Variants in SATL1 observed in about 807,000 individuals in gnomAD.
SATL1 encodes spermidine/spermine N(1)-acetyltransferase-like protein 1.
In SATL1, 47 loss-of-function variants were observed where a neutral mutation model predicts 51.8. The observed-to-expected ratio is 0.91, with a 90% confidence interval of 0.72 to 1.16. The LOEUF (loss-of-function observed/expected upper bound fraction) is 1.16, where lower values mean the gene tolerates loss of function less well. SATL1 is among the 50% of genes most tolerant of loss of function. SATL1 has a pLI of 0.00. For missense variants in SATL1, 520 were observed against 526.4 expected, an observed-to-expected ratio of 0.99 and a Z score of 0.12; for synonymous variants, 176 against 182.4, an observed-to-expected ratio of 0.97 and a Z score of 0.28.
chrX:85,139,543 T>C (rs746560474), intron 2 of SATL1, among the ~76,000 whole-genome samples: 1 of 110,963 alleles, frequency 9.0e-6, no homozygotes, highest in Admixed American at 9.6e-5. Flanking sequence ...ACCATAAATC[T>C]TTTCCTTTTC....
chrX:85,184,361 T>C (rs1225702098), intron 2 of SATL1, among the ~76,000 whole-genome samples: 1 of 111,551 alleles, frequency 9.0e-6, no homozygotes, highest in Non-Finnish European at 1.9e-5. Context: ...TGAATATTGA[T>C]ATCTTTCTCT....
chrX:85,130,466 T>A (rs1171544234), intron 2 of SATL1, among the ~76,000 whole-genome samples: 1 of 111,926 alleles, frequency 8.9e-6, no homozygotes, highest in Non-Finnish European at 1.9e-5. Flanking sequence ...GATGGTAGTT[T>A]GTATTTCTGT....
At chrX:85,155,162 A>G (rs1926555446) in intron 2 of SATL1, among the ~76,000 whole-genome samples, 1 of 111,742 alleles carries the variant, frequency 8.9e-6, no homozygotes, top group Non-Finnish European at 1.9e-5. Context: ...ATCAATGCTA[A>G]ACATTAATTT....
At chrX:85,238,573 G>A (rs1038220641) in intron 1 of SATL1, among the ~76,000 whole-genome samples, 4 of 111,491 alleles carry the variant, frequency 3.6e-5, no homozygotes, top group African/African-American at 6.5e-5. Flanking sequence ...ACAGGTAGTG[G>A]GAGGTTGGGG....
chrX:85,116,555 C>A (rs1292934415), intron 2 of SATL1, among the ~76,000 whole-genome samples: 1 of 111,771 alleles, frequency 8.9e-6, no homozygotes, highest in African/African-American at 3.3e-5. Flanking sequence ...TCTTCCCTTA[C>A]CAGCCAAATG....
At chrX:85,192,100 T>C (rs1927454315) in intron 2 of SATL1, among the ~76,000 whole-genome samples, 2 of 111,625 alleles carry the variant, frequency 1.8e-5, no homozygotes, top group Middle Eastern at 4.6e-3. Flanking sequence ...TGTCTCCATC[T>C]CTATGGCTAC....
rs765962935 is a variant in SATL1, at chrX:85,168,547, T to C, written c.-313+55658A>G. Among the ~76,000 whole-genome samples, 12 of 110,761 alleles carry C rather than the reference T, an allele frequency of 1.1e-4. No individual in the cohort carries two copies. In the South Asian group the frequency reaches 3.8e-3, roughly 35 times the overall value. On this transcript the variant is annotated intron_variant, in intron 2 of 7. Coordinates refer to ENST00000644105, the MANE Select transcript of SATL1 (RefSeq NM_001367857.2). ...TTACAATTGCCACAAAAAGAATACG[T>C]AGGAATACAGCTAAGGAGGGAGGTG...
chrX:85,135,047 T>A (rs1198126539), intron 2 of SATL1, among the ~76,000 whole-genome samples: 1 of 111,863 alleles, frequency 8.9e-6, no homozygotes, highest in Non-Finnish European at 1.9e-5. Flanking sequence ...AGCTGGGAGC[T>A]GTTATCCTCA....
rs144393586 is a variant in SATL1 at position 85,147,012 on chromosome X, C to A, written c.-312-37732G>T. ...GCACCGTGCGAGAGCCAAAGCAGAGCGAGGCATTGCCTCACTTGGGAAGCA... is the reference window on the plus strand; with the variant it reads ...GCACCGTGCGAGAGCCAAAGCAGAGAGAGGCATTGCCTCACTTGGGAAGCA... On this transcript the variant is annotated intron_variant, in intron 2 of 7. Transcript: ENST00000644105. Among the ~76,000 whole-genome samples, 765 of 112,621 alleles carry A rather than the reference C, an allele frequency of 6.8e-3. 8 individuals are homozygous for A. Among genetic ancestry groups the A allele is most frequent in the African/African-American group, 0.022 (680 of 31,052 alleles).
intron 2 of SATL1, among the ~76,000 whole-genome samples, chrX:85,185,317 GACC>G (rs1161649676): frequency 8.9e-6 from 1 of 112,562 alleles, no homozygotes; most frequent in African/African-American, 3.2e-5. Context: ...GGCTCATGGT[GACC>G]ACCACCTGGC....
chrX:85,234,648 T>C (rs2147767140), intron 1 of SATL1, among the ~76,000 whole-genome samples: 1 of 111,027 alleles, frequency 9.0e-6, no homozygotes, highest in African/African-American at 3.3e-5. Context: ...TTTAAAGTAA[T>C]GGATTACAAG....
intron 6 of SATL1, 89 bp from the exon 7 acceptor site, chrX:85,093,314 T>C: frequency 1.1e-6 from 1 of 894,679 alleles, no homozygotes; most frequent in Non-Finnish European, 1.6e-6. Flanking sequence ...TCTAAAACTC[T>C]GTATCTGTTT....
chrX:85,174,990 AC>A (rs1927055360), intron 2 of SATL1, among the ~76,000 whole-genome samples: 2 of 111,902 alleles, frequency 1.8e-5, no homozygotes, highest in South Asian at 7.4e-4. Flanking sequence ...AGAATTTAGT[AC>A]ACTGTAAGTG....
chrX:85,197,721 C>T (rs1439167554), intron 2 of SATL1, among the ~76,000 whole-genome samples: 1 of 101,563 alleles, frequency 9.8e-6, no homozygotes, highest in African/African-American at 3.6e-5. Flanking sequence ...TTGTTCAATT[C>T]CCACCTATGA....
chrX:85,214,918 G>A (rs1928009174), intron 2 of SATL1, among the ~76,000 whole-genome samples: 1 of 111,836 alleles, frequency 8.9e-6, no homozygotes, highest in African/African-American at 3.3e-5. Context: ...CCACTCCCAT[G>A]GTTCTGCTAG....
chrX:85,195,097 A>G (rs1254558910), intron 2 of SATL1, among the ~76,000 whole-genome samples: 1 of 111,120 alleles, frequency 9.0e-6, no homozygotes, highest in Non-Finnish European at 1.9e-5. Flanking sequence ...GGATGGAGAA[A>G]TACAGTATGT....
intron 2 of SATL1, chrX:85,156,517 TA>T (rs1385992083): frequency 1.3e-4 from 14 of 110,174 alleles, no homozygotes; most frequent in African/African-American, 4.6e-4. Flanking sequence ...ATCAAAGAAG[TA>T]GTCAGAGACA....
chrX:85,140,380 AT>A (rs1365907776), intron 2 of SATL1, among the ~76,000 whole-genome samples: 1 of 111,962 alleles, frequency 8.9e-6, no homozygotes, highest in Non-Finnish European at 1.9e-5. Context: ...GTGGTATTAT[AT>A]TTTAATTTCT....
rs1602884372 is a variant in SATL1, at chrX:85,166,447, C to A, written c.-312-57167G>T. Among the ~76,000 whole-genome samples, 4 of 111,013 alleles carry A rather than the reference C, an allele frequency of 3.6e-5. No individual in the cohort carries two copies. In the Admixed American group the frequency reaches 3.9e-4, roughly 11 times the overall value. Reference sequence around the variant, plus strand: ...TCATCAAGAAAAAATTCAAATAATTCCATCACAACTGAGCTAAGGACGTGA... The same window carrying A: ...TCATCAAGAAAAAATTCAAATAATTACATCACAACTGAGCTAAGGACGTGA... On this transcript the variant is annotated intron_variant, in intron 2 of 7. Coordinates refer to ENST00000644105, the MANE Select transcript of SATL1 (RefSeq NM_001367857.2).
Sources: allele counts gnomAD v4.1 joint callset (sites outside exome capture counted in the v4.1 genomes callset), GRCh38; gene constraint gnomAD v4.1.1; transcripts MANE v1.5; gene names NCBI Gene and HGNC (gene_info 2026-07-23, HGNC 2026-07-21).